Variants in MKX observed in about 807,000 individuals in gnomAD.
MKX encodes mohawk homeobox.
A neutral mutation model predicts 36.0 loss-of-function variants in MKX; 13 were observed. That is an observed-to-expected ratio of 0.36 (90% CI 0.24 to 0.57). The LOEUF is 0.57. Among genes scored for constraint, MKX ranks in the 20% least tolerant of loss-of-function variants. The pLI is 0.79. For missense variants in MKX, 458 were observed against 456.4 expected, an observed-to-expected ratio of 1.00 and a Z score of -0.03; for synonymous variants, 176 against 178.3, an observed-to-expected ratio of 0.99 and a Z score of 0.10.
chr10:27,740,974 G>C (rs1834879428), intron 3 of MKX, among the ~76,000 whole-genome samples: 1 of 152,152 alleles, frequency 6.6e-6, no homozygotes, highest in Non-Finnish European at 1.5e-5. Context: ...GTAACACCTG[G>C]GGCCTTGTAA....
chr10:27,680,463 G>A (rs567099469), intron 5 of MKX, among the ~76,000 whole-genome samples: 1 of 151,868 alleles, frequency 6.6e-6, no homozygotes, highest in South Asian at 2.1e-4. Flanking sequence ...CCTCAGTTTG[G>A]ACATGTGTTT....
At chr10:27,736,519 T>A (rs1834781866) in intron 3 of MKX, among the ~76,000 whole-genome samples, 4 of 152,144 alleles carry the variant, frequency 2.6e-5, no homozygotes. Context: ...GGGAAGAGAA[T>A]TAAATCTTTC....
At chr10:27,743,155 G>T in intron 2 of MKX, 73 bp downstream of exon 2, 1 of 1,339,004 alleles carries the variant, frequency 7.5e-7, no homozygotes, top group Non-Finnish European at 9.6e-7. Context: ...GTTGCCACGG[G>T]ACCCCGTCAC....
chr10:27,742,632 C>T lies in MKX; in HGVS notation c.188+596G>A, dbSNP rs1001144425. 1.3e-5 allele frequency among the ~76,000 whole-genome samples: 2 copies of T among 151,614 alleles called. No individual in the cohort carries two copies. Among genetic ancestry groups the T allele is most frequent in the Non-Finnish European group, 2.9e-5 (2 of 67,812 alleles). ...GCAAGCTACCGCCCCCCCCAGCATA[C>T]CCCTCACCCCGCTAAACTCAAACCC... is the stretch of plus-strand genomic sequence containing the variant. On this transcript the variant is annotated intron_variant, in intron 2 of 6. Transcript: ENST00000419761. This position sits in a 1 kb window ranked among gnomAD's most constrained non-coding sequence, Gnocchi z 4.2.
chr10:27,728,983 C>G (rs1010123313), intron 5 of MKX, among the ~76,000 whole-genome samples: 1 of 152,174 alleles, frequency 6.6e-6, no homozygotes, highest in African/African-American at 2.4e-5. Context: ...GATACTACCT[C>G]CCAGAGTGTC....
At position 27,734,573 on chromosome 10, in the gene MKX, T is replaced by C. The variant is rs750371730; in HGVS notation, c.721A>G (p.Met241Val). The C allele has an allele frequency of 1.2e-6, 2 of 1,614,180 alleles. No individual in the cohort carries two copies. The highest frequency in any genetic ancestry group is 1.7e-6 in the Non-Finnish European group (2 of 1,180,004). The stretch of plus-strand genomic sequence containing the variant: ...TTTCTTTGCCTTGTTTTTCCCATCA[T>C]GGTAGTGTTCGTGGCCATGACATGT... The part of the protein sequence containing the change: ...LRHVMATNTT[M>V]MGKTRQRNHS... Residue 241 changes from methionine (M) to valine (V), a missense_variant, in exon 5 of 7, where the codon ATG (methionine) becomes GTG (valine). Met to Val is a conservative substitution (Grantham distance 21). Around this residue, in one of 3 missense-constraint regions of MKX, gnomAD observed 297 missense variants for 304.4 expected, o/e 0.98. Coordinates refer to ENST00000419761, the MANE Select transcript of MKX (RefSeq NM_173576.3).
chr10:27,730,603 G>A (rs929641333), intron 5 of MKX, among the ~76,000 whole-genome samples: 9 of 151,500 alleles, frequency 5.9e-5, no homozygotes, highest in Non-Finnish European at 4.4e-5. Context: ...GATTAGAGGC[G>A]CCTCCCACCA....
At chr10:27,690,705 G>T (rs1043814011) in intron 5 of MKX, among the ~76,000 whole-genome samples, 1 of 152,170 alleles carries the variant, frequency 6.6e-6, no homozygotes, top group Non-Finnish European at 1.5e-5. Flanking sequence ...CTGACTTGAA[G>T]AAGTCAGGGT....
rs1183774370 is a variant in MKX at position 27,744,698 on chromosome 10, ACG to A, written c.-83+1007_-83+1008del. ...GCATGGGCTGCTACTCCACTAACAC[ACG>A]CGCGCGCGCATACACACACACACAC... On this transcript the variant is annotated intron_variant, in intron 1 of 6. Coordinates refer to ENST00000419761, the MANE Select transcript of MKX (RefSeq NM_173576.3). The surrounding 1 kb of genome is among the most constrained non-coding windows in gnomAD (Gnocchi z 5.6). 18 of 146,346 alleles carry A rather than the reference ACG, an allele frequency of 1.2e-4. No individual in the cohort carries two copies. Among genetic ancestry groups the A allele is most frequent in the Admixed American group, 9.6e-4 (14 of 14,574 alleles). 9.1% of individuals were successfully genotyped at this position (146,346 alleles called of 1,614,324 possible).
chr10:27,678,391 T>C (rs1253409150), intron 5 of MKX, among the ~76,000 whole-genome samples: 2 of 152,230 alleles, frequency 1.3e-5, no homozygotes, highest in African/African-American at 2.4e-5. Flanking sequence ...ATTTATTCAA[T>C]GGAAAGACTT....
intron 5 of MKX, among the ~76,000 whole-genome samples, chr10:27,706,582 TAA>T (rs1290502218): frequency 6.6e-6 from 1 of 151,832 alleles, no homozygotes; most frequent in Non-Finnish European, 1.5e-5. Flanking sequence ...TGTGTGTGTT[TAA>T]TAATAGCCAT....
intron 5 of MKX, among the ~76,000 whole-genome samples, chr10:27,703,413 A>G (rs56113471): frequency 0.8 from 121,445 of 151,458 alleles, 48,752 homozygotes; most frequent in Admixed American, 0.84. Flanking sequence ...TAAAACCATA[A>G]TATGAGCAGG....
At chr10:27,740,453 C>T (rs1834868595) in intron 3 of MKX, among the ~76,000 whole-genome samples, 1 of 152,190 alleles carries the variant, frequency 6.6e-6, no homozygotes, top group South Asian at 2.1e-4. Flanking sequence ...AGCATTTGGT[C>T]TGGAATTATT....
intron 5 of MKX, among the ~76,000 whole-genome samples, chr10:27,680,751 G>A (rs1836239970): frequency 6.6e-6 from 1 of 152,040 alleles, no homozygotes; most frequent in South Asian, 2.1e-4. Flanking sequence ...AGTAAAATGA[G>A]GTGAGACTTA....
chr10:27,732,744 T>G (rs767313876), intron 5 of MKX, among the ~76,000 whole-genome samples: 1 of 152,162 alleles, frequency 6.6e-6, no homozygotes, highest in Non-Finnish European at 1.5e-5. Flanking sequence ...GATGTTAATA[T>G]GTAGTGTCTT....
Position 27,743,470 on chromosome 10 carries a change from C to T in MKX, c.-55G>A. On this transcript the variant is annotated 5_prime_UTR_variant, in exon 2 of 7. Coordinates refer to ENST00000419761, the MANE Select transcript of MKX (RefSeq NM_173576.3). ...GCCGCAGAGCCTCGGGGCTGGGCCG[C>T]CGGGAGCTCCGCAGCGGGGCTCGGC... 2 of 1,457,278 alleles carry T rather than the reference C, an allele frequency of 1.4e-6. No homozygotes were observed. The highest frequency in any genetic ancestry group is 1.8e-6 in the Non-Finnish European group (2 of 1,108,054). The allele number at this position is 1,457,278 out of a possible 1,614,324, so 90.3% of individuals were successfully genotyped here. A position where few individuals can be genotyped will look rare whatever the true frequency, so the allele number is the denominator to read the frequency against.
intron 5 of MKX, among the ~76,000 whole-genome samples, chr10:27,717,784 C>A (rs569999402): frequency 6.6e-6 from 1 of 152,350 alleles, no homozygotes; most frequent in Admixed American, 6.5e-5. Context: ...TCGACCTCAT[C>A]AGCGTGATTT....
At chr10:27,739,082 A>G (rs1190786651) in intron 3 of MKX, among the ~76,000 whole-genome samples, 1 of 152,114 alleles carries the variant, frequency 6.6e-6, no homozygotes, top group African/African-American at 2.4e-5. Context: ...GGAATATGAG[A>G]CTTTCATTAT....
rs149585752 is a variant in MKX at position 27,698,414 on chromosome 10, G to A, written c.839-22860C>T. Among the ~76,000 whole-genome samples, 3 of 152,304 alleles carry A rather than the reference G, an allele frequency of 2.0e-5. No homozygotes were observed. The East Asian group carries it at 5.8e-4, about 29-fold the overall frequency. ...CAGGAGCCCAGGGGAGATGCGAGGA[G>A]TCCTGGGGATTAAGGGAGTAGCAGG... On this transcript the variant is annotated intron_variant, in intron 5 of 6. Coordinates refer to ENST00000419761, the MANE Select transcript of MKX (RefSeq NM_173576.3).
Sources: gnomAD v4.1 joint callset for allele counts (sites outside exome capture counted in the v4.1 genomes callset) on GRCh38, gnomAD v4.1.1 for gene constraint, gnomAD v4.1.1 regional missense constraint, Gnocchi (gnomAD v3.1) non-coding constraint, MANE v1.5 for transcripts, NCBI Gene and HGNC (gene_info 2026-07-23, HGNC 2026-07-21) for gene names.